IL1RAPL1: variants seen among roughly 807,000 people sequenced by gnomAD.
IL1RAPL1 encodes interleukin-1 receptor accessory protein-like 1.
A neutral mutation model predicts 48.4 loss-of-function variants in IL1RAPL1; 3 were observed. That is an observed-to-expected ratio of 0.06 (90% CI 0.03 to 0.16). The LOEUF is 0.16. Among genes scored for constraint, IL1RAPL1 ranks in the 10% least tolerant of loss-of-function variants. The probability of loss-of-function intolerance (pLI) is 1.00; values close to 1 mark genes in which losing one functional copy is unlikely to be tolerated. For missense variants in IL1RAPL1, 349 were observed against 530.6 expected, an observed-to-expected ratio of 0.66 and a Z score of 3.36; for synonymous variants, 185 against 187.7, an observed-to-expected ratio of 0.99 and a Z score of 0.12.
At chrX:29,391,756 C>T (rs1933856161) in intron 3 of IL1RAPL1, among the ~76,000 whole-genome samples, 1 of 111,751 alleles carries the variant, frequency 8.9e-6, no homozygotes, top group Non-Finnish European at 1.9e-5. Context: ...CTATTATCAT[C>T]TATAGGTATA....
intron 5 of IL1RAPL1, among the ~76,000 whole-genome samples, chrX:29,561,604 C>G (rs1922198136): frequency 8.9e-6 from 1 of 111,822 alleles, no homozygotes; most frequent in Non-Finnish European, 1.9e-5. Flanking sequence ...CCCTGTGAAA[C>G]AAATCGTGGG....
At chrX:29,249,039 G>A (rs931520572) in intron 2 of IL1RAPL1, among the ~76,000 whole-genome samples, 3 of 111,051 alleles carry the variant, frequency 2.7e-5, no homozygotes, top group Non-Finnish European at 5.7e-5. Flanking sequence ...TAGGGGATTC[G>A]AAACAACGGT....
chrX:29,802,801 A>ACATGTATG (rs1569172788), intron 6 of IL1RAPL1, among the ~76,000 whole-genome samples: 20 of 48,182 alleles, frequency 4.2e-4, no homozygotes, highest in African/African-American at 2.2e-3. Flanking sequence ...GTATATATAT[A>ACATGTATG]TATATATATG....
intron 1 of IL1RAPL1, among the ~76,000 whole-genome samples, chrX:28,754,767 C>G (rs5985903): frequency 0.48 from 53,379 of 110,730 alleles, 9,612 homozygotes; most frequent in Middle Eastern, 0.71. Flanking sequence ...ACATTTTCAT[C>G]TTTTTCTGGA....
chrX:29,560,164 T>C (rs1176770200), intron 5 of IL1RAPL1, among the ~76,000 whole-genome samples: 5 of 111,938 alleles, frequency 4.5e-5, no homozygotes, highest in Non-Finnish European at 9.4e-5. Flanking sequence ...TTTGCTGGCA[T>C]AGTATTCTTG....
chrX:29,837,272 AATATATAT>A (rs1229668903), intron 6 of IL1RAPL1, among the ~76,000 whole-genome samples: 6 of 72,124 alleles, frequency 8.3e-5, no homozygotes, highest in Admixed American at 3.5e-4. Context: ...AAAAAAAAAA[AATATATAT>A]ATATATATAT....
intron 6 of IL1RAPL1, among the ~76,000 whole-genome samples, chrX:29,839,787 C>T (rs1338133663): frequency 9.0e-6 from 1 of 111,019 alleles, no homozygotes; most frequent in Non-Finnish European, 1.9e-5. Context: ...CCAAACATGG[C>T]GGTGCTGCCT....
At chrX:29,269,809 C>T (rs1215710728) in intron 2 of IL1RAPL1, among the ~76,000 whole-genome samples, 4 of 110,246 alleles carry the variant, frequency 3.6e-5, no homozygotes, top group African/African-American at 6.6e-5. Context: ...TTAAAGTGAG[C>T]GATTTGGTAT....
chrX:29,640,585 T>C (rs187552638), intron 5 of IL1RAPL1, among the ~76,000 whole-genome samples: 4 of 112,020 alleles, frequency 3.6e-5, no homozygotes, highest in Non-Finnish European at 7.5e-5. Flanking sequence ...CAGGAGTAAA[T>C]GGCAACTCCA....
Position 28,750,177 on chromosome X carries a change from T to TGATC in IL1RAPL1, c.-24-39143_-24-39142insGATC, listed in dbSNP as rs1936025571. Among the ~76,000 whole-genome samples the TGATC allele has an allele frequency of 9.9e-5, 11 of 110,919 alleles. No individual in the cohort carries two copies. In the Admixed American group the frequency reaches 1.1e-3, roughly 11 times the overall value. On this transcript the variant is annotated intron_variant, in intron 1 of 10. Transcript: ENST00000378993. ...TGTGTTGGCCAGGCTGGTCTCAAACTCAACCTCAAGTGATCCATCTGCCTC... is the reference window on the plus strand; with the variant it reads ...TGTGTTGGCCAGGCTGGTCTCAAACTGATCCAACCTCAAGTGATCCATCTGCCTC...
At chrX:28,789,896 T>A (rs1601904478) in intron 2 of IL1RAPL1, among the ~76,000 whole-genome samples, 1 of 111,645 alleles carries the variant, frequency 9.0e-6, no homozygotes, top group East Asian at 2.8e-4. Context: ...TTGAAGAAAA[T>A]GTCATGAGGA....
In IL1RAPL1 at chrX:29,949,026, ACCT is replaced by A. The variant is rs1933264710; in HGVS notation, c.1202-5495_1202-5493del. ...CTTCAACTTGAAAAGTGAGTCTTCA[ACCT>A]ACATTTTCTTAAAAGCTGTGTTATT... On this transcript the variant is annotated intron_variant, in intron 9 of 10. Coordinates refer to ENST00000378993, the MANE Select transcript of IL1RAPL1 (RefSeq NM_014271.4). Among the ~76,000 whole-genome samples, 3 of 111,834 alleles carry A rather than the reference ACCT, an allele frequency of 2.7e-5. No individual in the cohort carries two copies. In the South Asian group the frequency reaches 1.1e-3, roughly 41 times the overall value.
intron 3 of IL1RAPL1, among the ~76,000 whole-genome samples, chrX:29,320,499 G>A (rs1374242461): frequency 2.7e-5 from 3 of 112,197 alleles, no homozygotes; most frequent in Non-Finnish European, 5.6e-5. Flanking sequence ...ATTATGCCGG[G>A]CACGGTGGCT....
rs200519177 is a variant in IL1RAPL1, at chrX:29,873,517, A to AC, written c.779-43941dup. Among the ~76,000 whole-genome samples, 64 of 110,349 alleles carry AC rather than the reference A, an allele frequency of 5.8e-4. No homozygotes were observed. The East Asian group carries it at 0.011, about 19-fold the overall frequency. ...AAAGAGGCCCAAGGGAGTTTGTTAG[A>AC]CCCCCCACTTCCGCCCTGTGATGAC... On this transcript the variant is annotated intron_variant, in intron 6 of 10. Transcript: ENST00000378993.
intron 3 of IL1RAPL1, among the ~76,000 whole-genome samples, chrX:29,319,156 G>A (rs367689897): frequency 2.3e-3 from 120 of 53,327 alleles, no homozygotes; most frequent in African/African-American, 7.3e-3. Context: ...CTGTCTATCT[G>A]TCTGTCTATC....
chrX:29,493,273 G>A (rs752785480), intron 5 of IL1RAPL1, among the ~76,000 whole-genome samples: 5 of 111,803 alleles, frequency 4.5e-5, no homozygotes, highest in African/African-American at 1.6e-4. Flanking sequence ...AAATCTCTAG[G>A]CAACTCTTGT....
At chrX:29,797,211 G>A (rs1601826444) in intron 6 of IL1RAPL1, among the ~76,000 whole-genome samples, 1 of 112,257 alleles carries the variant, frequency 8.9e-6, no homozygotes, top group African/African-American at 3.2e-5. Context: ...CTCTTCCGTT[G>A]TACTCTACTT....
At chrX:29,665,338 C>T (rs983009578) in intron 5 of IL1RAPL1, among the ~76,000 whole-genome samples, 3 of 112,320 alleles carry the variant, frequency 2.7e-5, no homozygotes, top group African/African-American at 9.7e-5. Flanking sequence ...ATGCTAAGAA[C>T]GTTTCTTTTA....
chrX:29,829,937 AAT>A (rs1930835039), intron 6 of IL1RAPL1, among the ~76,000 whole-genome samples: 1 of 112,216 alleles, frequency 8.9e-6, no homozygotes, highest in Non-Finnish European at 1.9e-5. Context: ...CTCTCATTAA[AAT>A]ATGATTCTCT....
Sources: allele counts gnomAD v4.1 joint callset (sites outside exome capture counted in the v4.1 genomes callset), GRCh38; gene constraint gnomAD v4.1.1; transcripts MANE v1.5; gene names NCBI Gene and HGNC (gene_info 2026-07-23, HGNC 2026-07-21).